Variants in NRBP2 observed in about 807,000 individuals in gnomAD.
NRBP2 encodes nuclear receptor-binding protein 2.
In NRBP2, 47 loss-of-function variants were observed where a neutral mutation model predicts 74.4. That is an observed-to-expected ratio of 0.63 (90% CI 0.50 to 0.81). NRBP2 has a LOEUF of 0.81. Among genes scored for constraint, NRBP2 ranks in the 30% least tolerant of loss-of-function variants. The pLI, the probability that NRBP2 is intolerant of heterozygous loss-of-function variation, is 0.00. For synonymous variants in NRBP2, 312 were observed against 273.8 expected (o/e 1.14, Z -1.38); for missense variants, 613 against 690.1 (o/e 0.89, Z 1.25).
Position 143,835,780 on chromosome 8 carries a change from G to A in NRBP2, c.1437+40C>T. On this transcript the variant is annotated intron_variant, in intron 17 of 17. Transcript: ENST00000442628. This position sits in a 1 kb window ranked among gnomAD's most constrained non-coding sequence, Gnocchi z 4.9. ...GACGGAGGGGCGCGGCCTGCCCCGT[G>A]CGCCCCCTCCGCCAGGCCGCGCCGC... The A allele has an allele frequency of 6.2e-7, 1 of 1,603,368 alleles. No individual in the cohort carries two copies. Among genetic ancestry groups the A allele is most frequent in the East Asian group, 2.2e-5 (1 of 44,556 alleles).
chr8:143,839,250 C>A lies in NRBP2; in HGVS notation c.581-55G>T. The A allele has an allele frequency of 6.5e-7, 1 of 1,535,088 alleles. No individual in the cohort carries two copies. Among genetic ancestry groups the A allele is most frequent in the South Asian group, 1.2e-5 (1 of 84,020 alleles). On this transcript the variant is annotated intron_variant, in intron 6 of 17. Coordinates refer to ENST00000442628, the MANE Select transcript of NRBP2 (RefSeq NM_178564.4). The surrounding 1 kb of genome is among the most constrained non-coding windows in gnomAD (Gnocchi z 5.1). ...TAGCTGCTGGGGCATCAGAACTCCT[C>A]TGCCCTTGGCTCCAGGCACCTTCCC...
chr8:143,831,082 G>A (rs1283832200), downstream of NRBP2, among the ~76,000 whole-genome samples: 3 of 152,198 alleles, frequency 2.0e-5, no homozygotes, highest in Non-Finnish European at 4.4e-5. Context: ...CCACCACCAG[G>A]GGAAGCCACA....
Position 143,839,207 on chromosome 8 carries a change from C to T in NRBP2, c.581-12G>A, listed in dbSNP as rs1554652880. ...GATTCGGTGCCACACTGCCAAGGGG[C>T]GGGAGAAAGAGTGGAGTTAGCTGCT... On this transcript the variant is annotated splice_polypyrimidine_tract_variant and intron_variant, in intron 6 of 17. Coordinates refer to ENST00000442628, the MANE Select transcript of NRBP2 (RefSeq NM_178564.4). The surrounding 1 kb of genome is among the most constrained non-coding windows in gnomAD (Gnocchi z 5.1). 1.4e-5 allele frequency: 21 copies of T among 1,530,822 alleles called. No homozygotes were observed. Among genetic ancestry groups the T allele is most frequent in the Non-Finnish European group, 1.6e-5 (18 of 1,143,152 alleles). 94.8% of individuals were successfully genotyped at this position (1,530,822 alleles called of 1,614,324 possible). A position where few individuals can be genotyped will look rare whatever the true frequency, so the allele number is the denominator to read the frequency against.
At chr8:143,832,639 T>C (rs1443376024), downstream of NRBP2, among the ~76,000 whole-genome samples, 3 of 152,366 alleles carry the variant, frequency 2.0e-5, no homozygotes, top group Admixed American at 6.5e-5. Flanking sequence ...TGTGTATGCA[T>C]ATCTAAAAGC....
chr8:143,833,671 A>C lies in NRBP2; in HGVS notation c.*1991T>G, dbSNP rs1554650730. 6.6e-6 allele frequency: 1 copy of C among 152,208 alleles called. No individual in the cohort carries two copies. The highest frequency in any genetic ancestry group is 2.4e-5 in the African/African-American group (1 of 41,444). The allele number at this position is 152,208 out of a possible 1,614,324, so 9.4% of individuals were successfully genotyped here. A position where few individuals can be genotyped will look rare whatever the true frequency, so the allele number is the denominator to read the frequency against. On this transcript the variant is annotated 3_prime_UTR_variant, in exon 18 of 18. Coordinates refer to ENST00000442628, the MANE Select transcript of NRBP2 (RefSeq NM_178564.4). ...ATTCTACTTTAAAAACAATACATATATAATTCTGAAAAGATAAAATTTAAA... is the reference window on the plus strand; with the variant it reads ...ATTCTACTTTAAAAACAATACATATCTAATTCTGAAAAGATAAAATTTAAA...
downstream of NRBP2, among the ~76,000 whole-genome samples, chr8:143,830,135 C>T (rs1036850171): frequency 2.0e-5 from 3 of 152,370 alleles, no homozygotes; most frequent in African/African-American, 4.8e-5. Context: ...ACAGACACTT[C>T]TACTTAAATA....
chr8:143,838,959 G>A, intron 8 of NRBP2, 21 bp from the exon 9 acceptor site: 2 of 1,590,758 alleles, frequency 1.3e-6, no homozygotes, highest in Non-Finnish European at 1.7e-6. Context: ...GAGAGCACAG[G>A]ACACGTAGGA....
chr8:143,833,245 T>C (rs1472929695), downstream of NRBP2: 1 of 152,022 alleles, frequency 6.6e-6, no homozygotes, highest in East Asian at 1.9e-4. Flanking sequence ...TAAAGATGAA[T>C]CAATGACAAA....
Position 143,838,792 on chromosome 8 carries a change from G to C in NRBP2, c.745-17C>G, listed in dbSNP as rs1172961279. The C allele has an allele frequency of 3.1e-6, 5 of 1,611,578 alleles. No homozygotes were observed. The African/African-American group carries it at 6.7e-5, about 22-fold the overall frequency. The stretch of plus-strand genomic sequence containing the variant: ...TACAGCCATCTGGGGCACAGAGCCA[G>C]GTCAGGCATGGGGAAGGGACCACAC... On this transcript the variant is annotated splice_polypyrimidine_tract_variant and intron_variant, in intron 9 of 17. Transcript: ENST00000442628.
rs1554651617 is a variant in NRBP2, at chr8:143,836,027, T to C, written c.1321A>G (p.Thr441Ala). 1 of 1,568,266 alleles carries C rather than the reference T, an allele frequency of 6.4e-7. No homozygotes were observed. Among genetic ancestry groups the C allele is most frequent in the Non-Finnish European group, 8.6e-7 (1 of 1,158,278 alleles). The change falls in exon 16 of 18, where the codon ACT becomes GCT. Residue 441 changes from threonine (T) to alanine (A), a missense_variant. Thr to Ala is a moderately conservative substitution (Grantham distance 58). Transcript: ENST00000442628. ...RSEDKARWHL[T>A]LLLVLEDRLH... ...CGGTCTTCCAGCACCAGAAGCAGAG[T>C]GAGCTGGGGAGGCGGCGGGGCGTGG...
rs1818593381 is a variant in NRBP2 at position 143,839,457 on chromosome 8, T to C, written c.486-49A>G. 6.5e-7 allele frequency: 1 copy of C among 1,531,914 alleles called. No individual in the cohort carries two copies. Among genetic ancestry groups the C allele is most frequent in the Non-Finnish European group, 8.7e-7 (1 of 1,144,498 alleles). 94.9% of individuals were successfully genotyped at this position (1,531,914 alleles called of 1,614,324 possible). On this transcript the variant is annotated intron_variant, in intron 5 of 17. Coordinates refer to ENST00000442628, the MANE Select transcript of NRBP2 (RefSeq NM_178564.4). This position sits in a 1 kb window ranked among gnomAD's most constrained non-coding sequence, Gnocchi z 5.1. The stretch of plus-strand genomic sequence containing the variant: ...GTAGGAGGAGCCGGTCAGGAGGCTC[T>C]GGAGAGATGGGGGCTCGGTGGCGCC...
Position 143,834,955 on chromosome 8 carries a change from A to C in NRBP2, c.*707T>G, listed in dbSNP as rs1818295195. ...CAGGCCAGGGAATGCATGAGAGAAA[A>C]AGCCCATTGGAGGGGCTGCAGTGGC... On this transcript the variant is annotated 3_prime_UTR_variant, in exon 18 of 18. Transcript: ENST00000442628. The C allele has an allele frequency of 6.6e-6, 1 of 152,358 alleles. No individual in the cohort carries two copies. Among genetic ancestry groups the C allele is most frequent in the Non-Finnish European group, 1.5e-5 (1 of 68,188 alleles). The allele number at this position is 152,358 out of a possible 1,614,324, so 9.4% of individuals were successfully genotyped here. A position where few individuals can be genotyped will look rare whatever the true frequency, so the allele number is the denominator to read the frequency against.
Position 143,839,575 on chromosome 8 carries a change from G to A in NRBP2, c.445-26C>T, listed in dbSNP as rs1554653070. On this transcript the variant is annotated intron_variant, in intron 4 of 17. Transcript: ENST00000442628. This position sits in a 1 kb window ranked among gnomAD's most constrained non-coding sequence, Gnocchi z 5.1. ...CTGGCGGCGGACGCACGACTCCGTC[G>A]GTCGGGTGGGCGCAGGAGAGGCGGC... 6 of 1,526,828 alleles carry A rather than the reference G, an allele frequency of 3.9e-6. No individual in the cohort carries two copies. The highest frequency in any genetic ancestry group is 4.4e-6 in the Non-Finnish European group (5 of 1,142,754). The allele number at this position is 1,526,828 out of a possible 1,614,324, so 94.6% of individuals were successfully genotyped here.
intron 14 of NRBP2, 37 bp from the exon 15 acceptor site, chr8:143,836,217 A>G (rs782170139): frequency 5.3e-6 from 8 of 1,503,992 alleles, no homozygotes; most frequent in Non-Finnish European, 6.2e-6. Flanking sequence ...CAAACCCAGC[A>G]GCAAGACCAC....
chr8:143,836,337 C>T (rs1309952233), intron 14 of NRBP2, among the ~76,000 whole-genome samples, 157 bp from the exon 15 acceptor site: 6 of 152,038 alleles, frequency 3.9e-5, no homozygotes, highest in African/African-American at 1.2e-4. Flanking sequence ...AGGAAAGCTT[C>T]GAGAAGAGTC....
chr8:143,840,630 C>T lies in NRBP2; in HGVS notation c.129+76G>A, dbSNP rs910938727. The T allele has an allele frequency of 8.8e-5, 116 of 1,311,928 alleles. No individual in the cohort carries two copies. The highest frequency in any genetic ancestry group is 1.1e-4 in the Non-Finnish European group (112 of 1,005,876). The allele number at this position is 1,311,928 out of a possible 1,614,324, so 81.3% of individuals were successfully genotyped here. A position where few individuals can be genotyped will look rare whatever the true frequency, so the allele number is the denominator to read the frequency against. On this transcript the variant is annotated intron_variant, in intron 1 of 17. Coordinates refer to ENST00000442628, the MANE Select transcript of NRBP2 (RefSeq NM_178564.4). This position sits in a 1 kb window ranked among gnomAD's most constrained non-coding sequence, Gnocchi z 5.7. ...AGCCGCCGCGCTCTCCCAGCGCCCCCACGCCCCGCGCAGCCTCCAGGCCCC... is the reference window on the plus strand; with the variant it reads ...AGCCGCCGCGCTCTCCCAGCGCCCCTACGCCCCGCGCAGCCTCCAGGCCCC...
chr8:143,839,375 G>A lies in NRBP2; in HGVS notation c.519C>T (p.His173=), dbSNP rs1554652954. 17 of 1,588,920 alleles carry A rather than the reference G, an allele frequency of 1.1e-5. No homozygotes were observed. The highest frequency in any genetic ancestry group is 8.5e-5 in the Admixed American group (5 of 58,894). ...AGATGGTGTCGCTGGTCAGGTTCCC[G>A]TGGATGATTGGGGGGCTGCAGGCGT... ...FLHACSPPII[H]GNLTSDTIFI... Residue 173 remains histidine, a synonymous_variant, in exon 6 of 18, where the codon CAC becomes CAT. Transcript: ENST00000442628. The surrounding 1 kb of genome is among the most constrained non-coding windows in gnomAD (Gnocchi z 5.1).
chr8:143,838,927 C>G lies in NRBP2; in HGVS notation c.700G>C (p.Gly234Arg), dbSNP rs1554652671. Residue 234 changes from glycine to arginine, a missense_variant, in exon 9 of 18, where the codon GGG becomes CGG. Gly to Arg is a moderately radical substitution (Grantham distance 125). This residue lies in a region of NRBP2 where 332 missense variants were observed against 429.2 expected (regional missense o/e 0.77). Transcript: ENST00000442628. Reference sequence around the variant, plus strand: ...AAGGAGAAGATGTCCACAGCGGTCCCATCGGCCACCTCTGAACAGAAGAGA... The same window carrying G: ...AAGGAGAAGATGTCCACAGCGGTCCGATCGGCCACCTCTGAACAGAAGAGA... ...FPPEYGEVADGTAVDIFSFGM... is the reference protein window; with the variant it reads ...FPPEYGEVADRTAVDIFSFGM... 1.9e-6 allele frequency: 3 copies of G among 1,608,554 alleles called. No homozygotes were observed.
At position 143,835,465 on chromosome 8, in the gene NRBP2, C is replaced by A. The variant is rs1554651192; in HGVS notation, c.*197G>T. On this transcript the variant is annotated 3_prime_UTR_variant, in exon 18 of 18. Coordinates refer to ENST00000442628, the MANE Select transcript of NRBP2 (RefSeq NM_178564.4). The surrounding 1 kb of genome is among the most constrained non-coding windows in gnomAD (Gnocchi z 4.9). ...AAGGACCTGGGAGGCCTAACGGCTC[C>A]CCCACACCCACCCCCCAACCCCTCG... The A allele has an allele frequency of 1.5e-6, 1 of 658,518 alleles. No homozygotes were observed. The highest frequency in any genetic ancestry group is 2.7e-6 in the Non-Finnish European group (1 of 370,166). 40.8% of individuals were successfully genotyped at this position (658,518 alleles called of 1,614,324 possible).
Sources: allele counts gnomAD v4.1 joint callset (sites outside exome capture counted in the v4.1 genomes callset), GRCh38; gene constraint gnomAD v4.1.1; regional missense constraint gnomAD v4.1.1; non-coding constraint Gnocchi (gnomAD v3.1); transcripts MANE v1.5; gene names NCBI Gene and HGNC (gene_info 2026-07-23, HGNC 2026-07-21).